The following TTC8 variants were observed in gnomAD, a reference collection of about 807,000 sequenced individuals.
TTC8 encodes the protein tetratricopeptide repeat domain 8.
Under a neutral mutation model 72.5 loss-of-function variants are expected in TTC8, and 47 were observed. The observed-to-expected ratio is 0.65, with a 90% CI of 0.51 to 0.83. The LOEUF (loss-of-function observed/expected upper bound fraction) is 0.83. Ranked by LOEUF, TTC8 falls within the 40% of genes least tolerant of loss-of-function variation. TTC8 has a pLI of 0.00. For synonymous variants in TTC8, 199 were observed against 221.4 expected (o/e 0.90, Z 0.90); for missense variants, 611 against 623.2 (o/e 0.98, Z 0.21).
At chr14:88,830,791 G>A (rs1488649563) in intron 1 of TTC8, 9 of 452,274 alleles carry the variant, frequency 2.0e-5, no homozygotes, top group South Asian at 9.4e-5. Flanking sequence ...AACTGAGAGC[G>A]ACCCAAAGAG....
At chr14:88,861,565 A>C (rs936811139) in intron 10 of TTC8, among the ~76,000 whole-genome samples, 1 of 152,158 alleles carries the variant, frequency 6.6e-6, no homozygotes, top group African/African-American at 2.4e-5. Context: ...TCCCTACTGT[A>C]CTATCAAATA....
intron 10 of TTC8, among the ~76,000 whole-genome samples, chr14:88,868,032 T>G (rs1251830012): frequency 6.6e-6 from 1 of 152,178 alleles, no homozygotes; most frequent in East Asian, 1.9e-4. Flanking sequence ...GAGAGAGAGA[T>G]ACAAGATTTC....
At chr14:88,832,641 A>C (rs1314620282) in intron 1 of TTC8, among the ~76,000 whole-genome samples, 1 of 152,234 alleles carries the variant, frequency 6.6e-6, no homozygotes, top group African/African-American at 2.4e-5. Flanking sequence ...TATGAGACTC[A>C]AATGAGATAA....
chr14:88,826,705 T>C (rs1222814461), intron 1 of TTC8, among the ~76,000 whole-genome samples: 1 of 152,082 alleles, frequency 6.6e-6, no homozygotes, highest in Non-Finnish European at 1.5e-5. Flanking sequence ...AGAGAGACTC[T>C]GTCTCAAAAA....
chr14:88,849,646 G>A (rs1009305454), intron 7 of TTC8, among the ~76,000 whole-genome samples: 4 of 152,060 alleles, frequency 2.6e-5, no homozygotes, highest in Non-Finnish European at 5.9e-5. Flanking sequence ...CATGTTGTGG[G>A]GGTGGGCAGT....
chr14:88,859,893 T>TAA (rs2094877327), intron 9 of TTC8, among the ~76,000 whole-genome samples: 1 of 118,730 alleles, frequency 8.4e-6, no homozygotes. Context: ...TTATATAATA[T>TAA]ATAATATAAT....
intron 10 of TTC8, among the ~76,000 whole-genome samples, chr14:88,862,610 TCTCA>T (rs2094893089): frequency 9.6e-6 from 1 of 104,174 alleles, no homozygotes; most frequent in Non-Finnish European, 1.9e-5. Context: ...AGAGATGGGT[TCTCA>T]CTCTGTTGCC....
At chr14:88,832,579 T>C (rs1405793729) in intron 1 of TTC8, among the ~76,000 whole-genome samples, 1 of 152,204 alleles carries the variant, frequency 6.6e-6, no homozygotes, top group African/African-American at 2.4e-5. Context: ...TCTGAATTTG[T>C]TTCCTTATCT....
chr14:88,870,499 AT>A (rs1361452198), intron 11 of TTC8, among the ~76,000 whole-genome samples: 1 of 152,238 alleles, frequency 6.6e-6, no homozygotes, highest in African/African-American at 2.4e-5. Context: ...AAAACTTATC[AT>A]CATCATTGCC....
intron 10 of TTC8, among the ~76,000 whole-genome samples, chr14:88,868,754 A>T (rs10137225): frequency 0.34 from 51,629 of 152,042 alleles, 9,030 homozygotes; most frequent in Non-Finnish European, 0.39. Context: ...TACTGGTTGT[A>T]GCCTGAAAGC....
intron 5 of TTC8, 33 bp from the exon 6 acceptor site, chr14:88,841,392 C>T (rs1343396986): frequency 8.7e-6 from 14 of 1,606,156 alleles, no homozygotes; most frequent in Non-Finnish European, 1.1e-5. Flanking sequence ...GAGAAAGTTT[C>T]AGATCTCTTG....
At chr14:88,864,001 A>C (rs997334605) in intron 10 of TTC8, among the ~76,000 whole-genome samples, 25 of 152,154 alleles carry the variant, frequency 1.6e-4, no homozygotes, top group Admixed American at 2.6e-4. Context: ...CCAATATAAT[A>C]TTGAACAGAC....
intron 7 of TTC8, among the ~76,000 whole-genome samples, chr14:88,845,067 A>G (rs1566840213): frequency 2.6e-5 from 4 of 152,228 alleles, no homozygotes; most frequent in Admixed American, 6.5e-5. Context: ...GTAAAGATCC[A>G]TGAAAATAAG....
rs1237273370 is a variant in TTC8 at position 88,853,039 on chromosome 14, T to C, written c.693T>C (p.Ile231=). 6 of 1,612,954 alleles carry C rather than the reference T, an allele frequency of 3.7e-6. No individual in the cohort carries two copies. Among genetic ancestry groups the C allele is most frequent in the Non-Finnish European group, 4.2e-6 (5 of 1,179,258 alleles). ...QYKDWWWKVQ[I]GKCYYRLGMY... ...AGGACTGGTGGTGGAAAGTACAGAT[T>C]GGAAAATGTTACTACAGGTAAATTT... Residue 231 remains isoleucine, a synonymous_variant, in exon 8 of 15, where the codon ATT becomes ATC. Coordinates refer to ENST00000380656, the MANE Select transcript of TTC8 (RefSeq NM_144596.4).
chr14:88,824,925 C>G, intron 1 of TTC8, 104 bp downstream of exon 1: 2 of 1,126,792 alleles, frequency 1.8e-6, no homozygotes, highest in South Asian at 1.3e-5. Flanking sequence ...AGGCCCGAGG[C>G]GGGGCTGACC....
rs2094962087 is a variant in TTC8 at position 88,877,486 on chromosome 14, TGTATATAGTGTAATAC to T, written c.*83_*98del. ...AAAAAGCACTATGTCTGTGTATGTA[TGTATATAGTGTAATAC>T]GTATATTTTAACAAACCTGTCCTTG... On this transcript the variant is annotated 3_prime_UTR_variant, in exon 15 of 15. Coordinates refer to ENST00000380656, the MANE Select transcript of TTC8 (RefSeq NM_144596.4). 1.8e-6 allele frequency: 2 copies of T among 1,130,380 alleles called. No homozygotes were observed. Among genetic ancestry groups the T allele is most frequent in the African/African-American group, 3.0e-5 (2 of 65,574 alleles). 70.0% of individuals were successfully genotyped at this position (1,130,380 alleles called of 1,614,324 possible).
chr14:88,861,194 C>T, intron 9 of TTC8, 28 bp from the exon 10 acceptor site: 1 of 1,466,018 alleles, frequency 6.8e-7, no homozygotes, highest in Non-Finnish European at 9.5e-7. Flanking sequence ...AGAACCTATA[C>T]TTTTATTGAA....
At chr14:88,839,720 C>A in intron 3 of TTC8, 148 bp downstream of exon 3, 1 of 952,780 alleles carries the variant, frequency 1.0e-6, no homozygotes, top group Non-Finnish European at 1.5e-6. Context: ...AAAACCATTA[C>A]TTCAAGTAAA....
chr14:88,831,702 T>G (rs1325052039), intron 1 of TTC8, among the ~76,000 whole-genome samples: 3 of 152,216 alleles, frequency 2.0e-5, no homozygotes, highest in Admixed American at 6.5e-5. Context: ...GATATTTGCA[T>G]GCAGGATTCT....
Sources: allele counts gnomAD v4.1 joint callset (sites outside exome capture counted in the v4.1 genomes callset), GRCh38; gene constraint gnomAD v4.1.1; transcripts MANE v1.5; gene names NCBI Gene and HGNC (gene_info 2026-07-23, HGNC 2026-07-21).